Variants in NDUFA10 observed in about 807,000 individuals in gnomAD.
NDUFA10 encodes NADH dehydrogenase [ubiquinone] 1 alpha subcomplex subunit 10, mitochondrial.
NDUFA10 carries 40 observed loss-of-function variants against 47.8 expected under a neutral mutation model. The observed-to-expected ratio is 0.84, with a 90% confidence interval of 0.65 to 1.09. NDUFA10 has a LOEUF of 1.09. Among genes scored for constraint, NDUFA10 ranks in the 50% least tolerant of loss-of-function variants. The pLI is 0.00. For missense variants in NDUFA10, 413 were observed against 451.1 expected (o/e 0.92, Z 0.76); for synonymous variants, 183 against 172.2 (o/e 1.06, Z -0.49).
chr2:239,909,444 C>G (rs1160400871), intron 4 of NDUFA10, among the ~76,000 whole-genome samples: 2 of 152,144 alleles, frequency 1.3e-5, no homozygotes, highest in African/African-American at 4.8e-5. Flanking sequence ...AACCCCGTCT[C>G]TACTAAACAT....
At chr2:239,931,851 T>TC (rs1260584863) in intron 4 of NDUFA10, among the ~76,000 whole-genome samples, 35 of 148,514 alleles carry the variant, frequency 2.4e-4, no homozygotes, top group African/African-American at 8.2e-4. Flanking sequence ...TTTTTTTTTT[T>TC]TTGAGACGGA....
chr2:240,003,078 G>A (rs1696790410), intron 8 of NDUFA10, among the ~76,000 whole-genome samples: 1 of 152,096 alleles, frequency 6.6e-6, no homozygotes, highest in African/African-American at 2.4e-5. Flanking sequence ...TCGAACTCCG[G>A]GGCTCCAGCA....
At chr2:239,920,568 T>C (rs1574779636) in intron 4 of NDUFA10, among the ~76,000 whole-genome samples, 1 of 152,166 alleles carries the variant, frequency 6.6e-6, no homozygotes, top group East Asian at 1.9e-4. Context: ...AGTCCTTAAA[T>C]AGCATCCCCA....
chr2:239,937,142 C>T (rs1694278674), intron 4 of NDUFA10, among the ~76,000 whole-genome samples: 1 of 152,124 alleles, frequency 6.6e-6, no homozygotes, highest in South Asian at 2.1e-4. Flanking sequence ...GCTGTGATTG[C>T]AAAATGGTCA....
At chr2:239,951,763 A>G (rs1430402114) in intron 4 of NDUFA10, among the ~76,000 whole-genome samples, 2 of 152,272 alleles carry the variant, frequency 1.3e-5, no homozygotes, top group Non-Finnish European at 2.9e-5. Flanking sequence ...AGAAGTGATC[A>G]TAAAGTATTT....
chr2:240,013,299 T>C (rs748434822), intron 5 of NDUFA10: 7 of 152,232 alleles, frequency 4.6e-5, no homozygotes, highest in Non-Finnish European at 8.8e-5. Context: ...TGGGGTAATT[T>C]TACCTGATGA....
At chr2:239,904,331 T>C (rs1693609136) in intron 4 of NDUFA10, among the ~76,000 whole-genome samples, 1 of 152,214 alleles carries the variant, frequency 6.6e-6, no homozygotes, top group Admixed American at 6.5e-5. Flanking sequence ...GTAGTCTCTC[T>C]CTGTCACCCA....
intron 5 of NDUFA10, 193 bp from the exon 6 acceptor site, chr2:240,011,889 C>G (rs1188501424): frequency 1.6e-6 from 1 of 627,402 alleles, no homozygotes; most frequent in African/African-American, 1.8e-5. Flanking sequence ...CTACAGTGAA[C>G]ACCTGAGCCT....
downstream of NDUFA10, among the ~76,000 whole-genome samples, chr2:239,954,806 C>T (rs1223708302): frequency 2.2e-5 from 2 of 90,522 alleles, no homozygotes; most frequent in African/African-American, 1.3e-4. Flanking sequence ...TCCATGCTCC[C>T]CCAAGTGGGT....
intron 4 of NDUFA10, among the ~76,000 whole-genome samples, chr2:239,899,171 TGTAAA>T (rs1693480627): frequency 1.7e-4 from 1 of 5,982 alleles, no homozygotes; most frequent in Non-Finnish European, 4.3e-4. Flanking sequence ...CATGGAGGGG[TGTAAA>T]GGAGGGGTGT....
downstream of NDUFA10, among the ~76,000 whole-genome samples, chr2:239,954,446 C>T (rs1371429758): frequency 1.3e-5 from 2 of 152,394 alleles, no homozygotes; most frequent in East Asian, 1.9e-4. Flanking sequence ...TCCTCACGCG[C>T]TCCTTCACCA....
intron 4 of NDUFA10, among the ~76,000 whole-genome samples, chr2:239,901,047 T>C (rs1693536210): frequency 6.6e-6 from 1 of 152,228 alleles, no homozygotes; most frequent in African/African-American, 2.4e-5. Context: ...CATCTAGGAC[T>C]TTCATAGCTA....
chr2:239,915,673 CAT>C (rs567980321), intron 4 of NDUFA10, among the ~76,000 whole-genome samples: 22 of 149,512 alleles, frequency 1.5e-4, no homozygotes, highest in East Asian at 4.0e-4. Context: ...CACACACAAA[CAT>C]ATACACACAC....
intron 4 of NDUFA10, among the ~76,000 whole-genome samples, chr2:239,900,973 G>C (rs1382298906): frequency 5.3e-5 from 8 of 152,228 alleles, no homozygotes; most frequent in Non-Finnish European, 2.9e-5. Context: ...CATGGATGTA[G>C]GTGGTTACAC....
At chr2:239,970,011 G>C (rs1261567176) in intron 9 of NDUFA10, among the ~76,000 whole-genome samples, 1 of 152,198 alleles carries the variant, frequency 6.6e-6, no homozygotes, top group African/African-American at 2.4e-5. Flanking sequence ...CATGTGTTCT[G>C]AAAATGATAA....
At chr2:239,994,186 G>C (rs138137548) in intron 8 of NDUFA10, among the ~76,000 whole-genome samples, 9 of 152,228 alleles carry the variant, frequency 5.9e-5, no homozygotes, top group Non-Finnish European at 1.2e-4. Flanking sequence ...GCAGGGTCCT[G>C]TCCCCAGCCT....
chr2:239,950,694 G>A (rs775311610), intron 4 of NDUFA10, among the ~76,000 whole-genome samples: 277 of 152,300 alleles, frequency 1.8e-3, no homozygotes, highest in Admixed American at 3.1e-3. Flanking sequence ...CGGTGTAAGG[G>A]CCTGTGCATG....
chr2:239,967,556 G>C (rs920798307), intron 9 of NDUFA10, among the ~76,000 whole-genome samples: 4 of 152,204 alleles, frequency 2.6e-5, no homozygotes, highest in African/African-American at 9.6e-5. Flanking sequence ...AGACAGTAAA[G>C]CTGAGTCCAC....
intron 4 of NDUFA10, among the ~76,000 whole-genome samples, chr2:239,911,181 T>C (rs1693747704): frequency 6.6e-6 from 1 of 152,170 alleles, no homozygotes; most frequent in South Asian, 2.1e-4. Flanking sequence ...CAACACCACT[T>C]ACTACTGTCC....
Sources: allele counts gnomAD v4.1 joint callset (sites outside exome capture counted in the v4.1 genomes callset), GRCh38; gene constraint gnomAD v4.1.1; transcripts MANE v1.5; gene names NCBI Gene and HGNC (gene_info 2026-07-23, HGNC 2026-07-21).